The following AGBL4 variants were observed in gnomAD, a reference collection of about 807,000 sequenced individuals.
AGBL4 encodes the protein AGBL carboxypeptidase 4.
A neutral mutation model predicts 66.4 loss-of-function variants in AGBL4; 58 were observed. The observed-to-expected ratio is 0.87, with a 90% CI of 0.71 to 1.09. The LOEUF (loss-of-function observed/expected upper bound fraction) is 1.09, where lower values mean the gene tolerates loss of function less well. AGBL4 is among the 50% of genes least tolerant of loss of function. The pLI is 0.00. For synonymous variants in AGBL4, 234 were observed against 222.9 expected, an observed-to-expected ratio of 1.05 and a Z score of -0.44; for missense variants, 579 against 631.0, an observed-to-expected ratio of 0.92 and a Z score of 0.88.
At chr1:49,400,149 A>C (rs1645053809) in intron 3 of AGBL4, among the ~76,000 whole-genome samples, 1 of 152,074 alleles carries the variant, frequency 6.6e-6, no homozygotes, top group South Asian at 2.1e-4. Flanking sequence ...TGTTTTCCCC[A>C]GTGTATGTTC....
At chr1:49,950,680 C>T (rs116416551) in intron 1 of AGBL4, among the ~76,000 whole-genome samples, 3,253 of 151,562 alleles carry the variant, frequency 0.021, 131 homozygotes, top group African/African-American at 0.075. Flanking sequence ...ATGGACTTTC[C>T]TCAAAACATT....
intron 9 of AGBL4, among the ~76,000 whole-genome samples, chr1:48,597,664 GA>G (rs1645013907): frequency 7.3e-6 from 1 of 136,448 alleles, no homozygotes; most frequent in East Asian, 2.6e-4. Flanking sequence ...AGAGAACAGG[GA>G]GAAGGAGAGG....
intron 6 of AGBL4, among the ~76,000 whole-genome samples, chr1:48,725,258 G>T (rs1280801603): frequency 6.6e-6 from 1 of 151,848 alleles, no homozygotes; most frequent in Non-Finnish European, 1.5e-5. Flanking sequence ...GATATTTTTC[G>T]AAAGTGACAT....
chr1:48,763,115 C>T (rs915350600), intron 6 of AGBL4, among the ~76,000 whole-genome samples: 1 of 151,916 alleles, frequency 6.6e-6, no homozygotes, highest in African/African-American at 2.4e-5. Context: ...ACAACAACAA[C>T]AACAACAACA....
downstream of AGBL4, among the ~76,000 whole-genome samples, chr1:48,531,571 C>G (rs941486180): frequency 2.0e-5 from 3 of 152,158 alleles, no homozygotes; most frequent in African/African-American, 7.2e-5. Flanking sequence ...GAAGGTTTTC[C>G]TCATCCTGAG....
intron 3 of AGBL4, among the ~76,000 whole-genome samples, chr1:49,688,903 C>T (rs1216310865): frequency 2.6e-5 from 4 of 152,080 alleles, no homozygotes; most frequent in African/African-American, 9.7e-5. Flanking sequence ...AGAACTTTTG[C>T]CCATTTTTAA....
intron 1 of AGBL4, among the ~76,000 whole-genome samples, chr1:49,944,749 A>C (rs1383937735): frequency 6.6e-6 from 1 of 152,068 alleles, no homozygotes; most frequent in Non-Finnish European, 1.5e-5. Context: ...AAGGTCAGTT[A>C]ATAAGCTAAT....
chr1:49,790,752 T>C (rs757448755), intron 2 of AGBL4, among the ~76,000 whole-genome samples: 2 of 152,034 alleles, frequency 1.3e-5, no homozygotes, highest in Non-Finnish European at 2.9e-5. Flanking sequence ...ATCTGCACAA[T>C]AAGAAATGTG....
chr1:49,306,283 T>C (rs750613771), intron 3 of AGBL4, among the ~76,000 whole-genome samples: 4 of 152,172 alleles, frequency 2.6e-5, no homozygotes, highest in Non-Finnish European at 5.9e-5. Context: ...TTAGGGATTA[T>C]TGGTTTGCAA....
At chr1:49,005,909 G>A (rs950744631) in intron 5 of AGBL4, among the ~76,000 whole-genome samples, 1 of 152,108 alleles carries the variant, frequency 6.6e-6, no homozygotes, top group African/African-American at 2.4e-5. Context: ...GCTGAGGCAG[G>A]AGAATTGCTT....
chr1:49,610,648 C>T (rs1645138271), intron 3 of AGBL4, among the ~76,000 whole-genome samples: 1 of 152,178 alleles, frequency 6.6e-6, no homozygotes, highest in Non-Finnish European at 1.5e-5. Context: ...AGCTATTTGG[C>T]CCTTCTCCCC....
chr1:48,570,225 G>A (rs1042376994), intron 11 of AGBL4, among the ~76,000 whole-genome samples: 1 of 152,268 alleles, frequency 6.6e-6, no homozygotes, highest in African/African-American at 2.4e-5. Context: ...ACCTTCCGGT[G>A]AAGAGGTATG....
chr1:49,811,340 C>A (rs910764360), intron 2 of AGBL4, among the ~76,000 whole-genome samples: 3 of 151,994 alleles, frequency 2.0e-5, no homozygotes, highest in Admixed American at 6.6e-5. Flanking sequence ...TTATTTATAG[C>A]GCTTAATTGA....
At chr1:49,048,476 A>T (rs1488409115) in intron 4 of AGBL4, 1 of 152,122 alleles carries the variant, frequency 6.6e-6, no homozygotes, top group African/African-American at 2.4e-5. Flanking sequence ...TAGGGCAATC[A>T]TTCAGGGAAA....
At chr1:48,547,660 A>G (rs1026674372) in intron 11 of AGBL4, among the ~76,000 whole-genome samples, 1 of 152,150 alleles carries the variant, frequency 6.6e-6, no homozygotes, top group African/African-American at 2.4e-5. Flanking sequence ...TCATGCCACA[A>G]ATTCTTGCTG....
intron 3 of AGBL4, among the ~76,000 whole-genome samples, chr1:49,435,516 T>C (rs1645885587): frequency 6.6e-6 from 1 of 152,218 alleles, no homozygotes; most frequent in Non-Finnish European, 1.5e-5. Flanking sequence ...AAGTACTTTG[T>C]TGGTCAGAGA....
At chr1:48,918,568 G>C (rs1406479297) in intron 5 of AGBL4, among the ~76,000 whole-genome samples, 1 of 152,164 alleles carries the variant, frequency 6.6e-6, no homozygotes, top group Non-Finnish European at 1.5e-5. Flanking sequence ...TCACAAGTGG[G>C]ATTAGTGCCC....
chr1:49,956,438 AATTAATAACTGTTT>A (rs1231914109), intron 1 of AGBL4, among the ~76,000 whole-genome samples: 1 of 151,922 alleles, frequency 6.6e-6, no homozygotes, highest in African/African-American at 2.4e-5. Flanking sequence ...GGCATAAAAA[AATTAATAACTGTTT>A]ATTAAATAAC....
intron 4 of AGBL4, among the ~76,000 whole-genome samples, chr1:49,190,664 T>TTAAAAAAACATATTAAAAAA (rs1174975032): frequency 1.3e-5 from 2 of 152,136 alleles, no homozygotes; most frequent in African/African-American, 4.8e-5. Context: ...ATTAAAACAA[T>TTAAAAAAACATATTAAAAAA]AATATGATTA....
Sources: gnomAD v4.1 joint callset for allele counts (sites outside exome capture counted in the v4.1 genomes callset) on GRCh38, gnomAD v4.1.1 for gene constraint, MANE v1.5 for transcripts, NCBI Gene and HGNC (gene_info 2026-07-23, HGNC 2026-07-21) for gene names.